Variants in TERT observed in about 807,000 individuals in gnomAD.
TERT encodes the protein telomerase catalytic subunit.
In TERT, 42 loss-of-function variants were observed where a neutral mutation model predicts 104.0. The ratio of observed to expected loss-of-function variants is 0.40; its 90% CI spans 0.32 to 0.52. The LOEUF is 0.52. Among genes scored for constraint, TERT ranks in the 20% least tolerant of loss-of-function variants. The pLI, the probability that TERT is intolerant of heterozygous loss-of-function variation, is 0.43. For synonymous variants in TERT, 781 were observed against 725.6 expected, an observed-to-expected ratio of 1.08 and a Z score of -1.23; for missense variants, 1,101 against 1,610.3, an observed-to-expected ratio of 0.68 and a Z score of 5.41.
Position 1,257,478 on chromosome 5 carries a change from C to T in TERT, c.3032+1120G>A, listed in dbSNP as rs1021106294. On this transcript the variant is annotated intron_variant, in intron 13 of 15. Transcript: ENST00000310581. The surrounding 1 kb of genome is among the most constrained non-coding windows in gnomAD (Gnocchi z 5.6). ...AGGAGTCAAGCAGCTTGCACGAGGGCCCAGGCACGCGTCAGGGAGATGCAA... is the reference window on the plus strand; with the variant it reads ...AGGAGTCAAGCAGCTTGCACGAGGGTCCAGGCACGCGTCAGGGAGATGCAA... Among the ~76,000 whole-genome samples the T allele has an allele frequency of 9.9e-5, 15 of 152,246 alleles. No homozygotes were observed. Among genetic ancestry groups the T allele is most frequent in the African/African-American group, 3.6e-4 (15 of 41,538 alleles).
rs35970923 is a variant in TERT, at chr5:1,255,246, G to A, written c.3157+41C>T. The A allele has an allele frequency of 2.1e-4, 333 of 1,609,034 alleles. 1 individual carries two copies. In the African/African-American group the frequency reaches 3.5e-3, roughly 17 times the overall value. On this transcript the variant is annotated intron_variant, in intron 14 of 15. Coordinates refer to ENST00000310581, the MANE Select transcript of TERT (RefSeq NM_198253.3). The surrounding 1 kb of genome is among the most constrained non-coding windows in gnomAD (Gnocchi z 6.9). ...GTCTCCTGACACACTAACACCAGCA[G>A]GCAGGCACTGCTGCCACTGAGGCCA...
intron 6 of TERT, among the ~76,000 whole-genome samples, chr5:1,275,221 A>G (rs995046205): frequency 6.6e-6 from 1 of 152,076 alleles, no homozygotes; most frequent in Non-Finnish European, 1.5e-5. Context: ...CTAAAATTAC[A>G]AAAATTAGTC....
chr5:1,270,995 A>G lies in TERT; in HGVS notation c.2468+124T>C. The G allele has an allele frequency of 1.3e-6, 1 of 780,526 alleles. No individual in the cohort carries two copies. Among genetic ancestry groups the G allele is most frequent in the Non-Finnish European group, 2.1e-6 (1 of 467,430 alleles). 48.4% of individuals were successfully genotyped at this position (780,526 alleles called of 1,614,324 possible). A position where few individuals can be genotyped will look rare whatever the true frequency, so the allele number is the denominator to read the frequency against. On this transcript the variant is annotated intron_variant, in intron 8 of 15. Transcript: ENST00000310581. This position sits in a 1 kb window ranked among gnomAD's most constrained non-coding sequence, Gnocchi z 8.3. Reference sequence around the variant, plus strand: ...AGGAGCCGGAGGGGGCGGGGGCCAGAAAAGGAGACTCTGGTGGCCCCGGGC... The same window carrying G: ...AGGAGCCGGAGGGGGCGGGGGCCAGGAAAGGAGACTCTGGTGGCCCCGGGC...
Position 1,253,796 on chromosome 5 carries a change from T to A in TERT, c.3331A>T (p.Thr1111Ser). 1 of 1,611,878 alleles carries A rather than the reference T, an allele frequency of 6.2e-7. No homozygotes were observed. The highest frequency in any genetic ancestry group is 8.5e-7 in the Non-Finnish European group (1 of 1,179,702). ...TQLSRKLPGT[T>S]LTALEAAANP... ...GCTGCGGCCTCCAGGGCAGTCAGCGTCGTCCCCGGGAGCTTCCGACTCAGC... is the reference window on the plus strand; with the variant it reads ...GCTGCGGCCTCCAGGGCAGTCAGCGACGTCCCCGGGAGCTTCCGACTCAGC... The change falls in exon 16 of 16, where the codon ACG (threonine) becomes TCG (serine). Residue 1111 changes from threonine to serine, a missense_variant. Physicochemically the swap from Thr to Ser is moderately conservative, Grantham distance 58 (BLOSUM62 1). Transcript: ENST00000310581.
In TERT at chr5:1,253,509, G is replaced by A; in HGVS notation, c.*219C>T. On this transcript the variant is annotated 3_prime_UTR_variant, in exon 16 of 16. Coordinates refer to ENST00000310581, the MANE Select transcript of TERT (RefSeq NM_198253.3). ...CTGTGGGGAAGTGAAGACGGCAGGTGTGCTGGACACTCAGCCCTTGGCTGG... is the reference window on the plus strand; with the variant it reads ...CTGTGGGGAAGTGAAGACGGCAGGTATGCTGGACACTCAGCCCTTGGCTGG... The A allele has an allele frequency of 1.7e-6, 1 of 602,216 alleles. No homozygotes were observed. Among genetic ancestry groups the A allele is most frequent in the Non-Finnish European group, 3.0e-6 (1 of 336,924 alleles). 37.3% of individuals were successfully genotyped at this position (602,216 alleles called of 1,614,324 possible).
intron 2 of TERT, among the ~76,000 whole-genome samples, chr5:1,291,641 G>A (rs1162446359): frequency 6.7e-6 from 1 of 148,368 alleles, no homozygotes; most frequent in African/African-American, 2.5e-5. Context: ...GGACACCCGG[G>A]GGCCACACCT....
rs34864919 is a variant in TERT, at chr5:1,262,377, C to T, written c.2844-1777G>A. Among the ~76,000 whole-genome samples the T allele has an allele frequency of 2.0e-4, 31 of 152,358 alleles. No individual in the cohort carries two copies. The East Asian group carries it at 6.0e-3, about 29-fold the overall frequency. ...TCTGTCCATCAGTTCTGACCACATT[C>T]TACCATCTGAGCTGTGGTTTGGGAG... On this transcript the variant is annotated intron_variant, in intron 11 of 15. Coordinates refer to ENST00000310581, the MANE Select transcript of TERT (RefSeq NM_198253.3). The surrounding 1 kb of genome is among the most constrained non-coding windows in gnomAD (Gnocchi z 5.6).
intron 6 of TERT, among the ~76,000 whole-genome samples, chr5:1,277,611 G>GC (rs1049932000): frequency 2.7e-5 from 4 of 149,290 alleles, no homozygotes; most frequent in African/African-American, 9.8e-5. Context: ...GATGTGGGGG[G>GC]GGGTCTCCTG....
Position 1,265,852 on chromosome 5 carries a change from T to C in TERT, c.2654+612A>G, listed in dbSNP as rs1234111528. 6.6e-6 allele frequency among the ~76,000 whole-genome samples: 1 copy of C among 152,196 alleles called. No individual in the cohort carries two copies. Among genetic ancestry groups the C allele is most frequent in the African/African-American group, 2.4e-5 (1 of 41,446 alleles). On this transcript the variant is annotated intron_variant, in intron 10 of 15. Coordinates refer to ENST00000310581, the MANE Select transcript of TERT (RefSeq NM_198253.3). The surrounding 1 kb of genome is among the most constrained non-coding windows in gnomAD (Gnocchi z 6.9). ...TGGGGCGCCCTTGAGGGGGACCACATTGGACAATCCCCTGTGCTGAGGCCA... is the reference window on the plus strand; with the variant it reads ...TGGGGCGCCCTTGAGGGGGACCACACTGGACAATCCCCTGTGCTGAGGCCA...
At chr5:1,282,706 A>C (rs1274071275) in intron 2 of TERT, 82 bp from the exon 3 acceptor site, 7 of 1,438,946 alleles carry the variant, frequency 4.9e-6, no homozygotes, top group Non-Finnish European at 6.7e-6. Context: ...CGGACACCGC[A>C]CATCCAGCTC....
At chr5:1,290,159 C>G (rs1423827647) in intron 2 of TERT, among the ~76,000 whole-genome samples, 1 of 85,734 alleles carries the variant, frequency 1.2e-5, no homozygotes, top group Admixed American at 1.1e-4. Flanking sequence ...CTACACGTGA[C>G]AGGGACACCC....
At position 1,287,511 on chromosome 5, in the gene TERT, AT is replaced by A. The variant is rs200901531; in HGVS notation, c.1574-4888del. Among the ~76,000 whole-genome samples, 692 of 80,140 alleles carry A rather than the reference AT, an allele frequency of 8.6e-3. 4 individuals are homozygous for A. The highest frequency in any genetic ancestry group is 0.033 in the African/African-American group (567 of 17,072). The allele number at this position is 80,140 out of a possible 152,430, so 52.6% of individuals were successfully genotyped here. A position where few individuals can be genotyped will look rare whatever the true frequency, so the allele number is the denominator to read the frequency against. On this transcript the variant is annotated intron_variant, in intron 2 of 15. Coordinates refer to ENST00000310581, the MANE Select transcript of TERT (RefSeq NM_198253.3). This position sits in a 1 kb window ranked among gnomAD's most constrained non-coding sequence, Gnocchi z 4.3. ...AGACTCTGTCTCAAAAAAAAAAAAT[AT>A]ATATATATATATATAAATTAAAGGC... is the stretch of plus-strand genomic sequence containing the variant.
In TERT at chr5:1,261,042, C is replaced by T; in HGVS notation, c.2844-442G>A. Among the ~76,000 whole-genome samples the T allele has an allele frequency of 6.6e-6, 1 of 152,160 alleles. No homozygotes were observed. Among genetic ancestry groups the T allele is most frequent in the East Asian group, 1.9e-4 (1 of 5,196 alleles). On this transcript the variant is annotated intron_variant, in intron 11 of 15. Transcript: ENST00000310581. The surrounding 1 kb of genome is among the most constrained non-coding windows in gnomAD (Gnocchi z 7.4). Reference sequence around the variant, plus strand: ...GTTTGAATCTCAGGGATGGAAGAGCCAGGTGGCACCAGCTAAACAGGGCTC... The same window carrying T: ...GTTTGAATCTCAGGGATGGAAGAGCTAGGTGGCACCAGCTAAACAGGGCTC...
intron 6 of TERT, among the ~76,000 whole-genome samples, chr5:1,276,312 C>T (rs2126633907): frequency 6.8e-6 from 1 of 147,038 alleles, no homozygotes; most frequent in South Asian, 2.2e-4. Flanking sequence ...CCCCACCTAT[C>T]CCACACATGA....
At chr5:1,266,402 G>GA (rs1748604108) in intron 10 of TERT, 62 bp downstream of exon 10, 1 of 1,406,074 alleles carries the variant, frequency 7.1e-7, no homozygotes, top group Admixed American at 1.9e-5. Context: ...AGGACACGGG[G>GA]GGCTCAACTG....
chr5:1,280,130 A>G (rs1749916531), intron 4 of TERT, 28 bp downstream of exon 4: 4 of 1,613,556 alleles, frequency 2.5e-6, no homozygotes, highest in Non-Finnish European at 3.4e-6. Context: ...TTCTGTTTAA[A>G]AAGGAAGTTA....
intron 6 of TERT, among the ~76,000 whole-genome samples, chr5:1,277,607 G>GC (rs900678595): frequency 2.6e-4 from 17 of 66,370 alleles, no homozygotes; most frequent in African/African-American, 5.7e-4. Context: ...CGGGGATGTG[G>GC]GGGGGGGTCT....
intron 13 of TERT, among the ~76,000 whole-genome samples, chr5:1,258,069 C>G (rs192807094): frequency 2.6e-5 from 4 of 152,354 alleles, no homozygotes; most frequent in Admixed American, 2.6e-4. Context: ...CCTGACCAGC[C>G]AGGACAGGGA....
chr5:1,260,396 G>A (rs976812160), intron 12 of TERT, 78 bp downstream of exon 12: 59 of 1,592,490 alleles, frequency 3.7e-5, no homozygotes, highest in African/African-American at 2.1e-4. Context: ...TTGCAGGCAC[G>A]CGCGCACACA....
Sources: gnomAD v4.1 joint callset for allele counts (sites outside exome capture counted in the v4.1 genomes callset) on GRCh38, gnomAD v4.1.1 for gene constraint, Gnocchi (gnomAD v3.1) non-coding constraint, MANE v1.5 for transcripts, NCBI Gene and HGNC (gene_info 2026-07-23, HGNC 2026-07-21) for gene names.